PAAF1: variants seen among roughly 807,000 people sequenced by gnomAD.
The protein encoded by PAAF1 is proteasomal ATPase-associated factor 1.
Under a neutral mutation model 52.8 loss-of-function variants are expected in PAAF1, and 46 were observed. The observed-to-expected ratio is 0.87, with a 90% confidence interval of 0.69 to 1.11. The LOEUF is 1.11. Ranked by LOEUF, PAAF1 falls within the 50% of genes most tolerant of loss-of-function variation. PAAF1 has a pLI of 0.00. For missense variants in PAAF1, 424 were observed against 477.4 expected (o/e 0.89, Z 1.04); for synonymous variants, 178 against 172.8 (o/e 1.03, Z -0.24).
chr11:73,893,713 G>T (rs2135152293), intron 4 of PAAF1, among the ~76,000 whole-genome samples: 1 of 138,192 alleles, frequency 7.2e-6, no homozygotes, highest in South Asian at 2.3e-4. Context: ...CTCCAGCCTG[G>T]GAGACAAAAG....
At chr11:73,902,567 T>C (rs573258423) in intron 6 of PAAF1, among the ~76,000 whole-genome samples, 12 of 152,390 alleles carry the variant, frequency 7.9e-5, no homozygotes, top group African/African-American at 2.4e-4. Flanking sequence ...ATCCAGTTTA[T>C]AAATACCTTT....
chr11:73,918,553 T>A (rs2135223782), intron 9 of PAAF1, among the ~76,000 whole-genome samples: 1 of 151,388 alleles, frequency 6.6e-6, no homozygotes, highest in African/African-American at 2.4e-5. Flanking sequence ...CTCGGCTCAC[T>A]GCAAGCTCCA....
At chr11:73,906,739 C>CT (rs1211912594) in intron 6 of PAAF1, among the ~76,000 whole-genome samples, 1 of 152,186 alleles carries the variant, frequency 6.6e-6, no homozygotes, top group Non-Finnish European at 1.5e-5. Flanking sequence ...ACTTGAGAGA[C>CT]ATGTGGTTAA....
chr11:73,925,077 C>T (rs1203631315), intron 11 of PAAF1, among the ~76,000 whole-genome samples: 1 of 150,942 alleles, frequency 6.6e-6, no homozygotes, highest in Non-Finnish European at 1.5e-5. Context: ...ATCGCTTGAA[C>T]CTGGGAGGTG....
At chr11:73,922,915 CAAAAT>C (rs1950261557) in intron 10 of PAAF1, among the ~76,000 whole-genome samples, 1 of 150,358 alleles carries the variant, frequency 6.7e-6, no homozygotes, top group South Asian at 2.1e-4. Flanking sequence ...CCAGATGAAA[CAAAAT>C]AAAAAACAAA....
chr11:73,880,340 T>C (rs1948858207), intron 2 of PAAF1: 1 of 151,796 alleles, frequency 6.6e-6, no homozygotes, highest in South Asian at 2.1e-4. Context: ...ATACTTAACA[T>C]AAAAATTCAA....
At chr11:73,920,595 G>A (rs989930625) in intron 10 of PAAF1, among the ~76,000 whole-genome samples, 5 of 152,072 alleles carry the variant, frequency 3.3e-5, no homozygotes, top group Non-Finnish European at 7.4e-5. Context: ...GCTCACACCT[G>A]TAATCCCAGC....
At position 73,901,065 on chromosome 11, in the gene PAAF1, G is replaced by A. The variant is rs190231819; in HGVS notation, c.532+645G>A. Among the ~76,000 whole-genome samples the A allele has an allele frequency of 1.8e-4, 27 of 147,410 alleles. 1 individual carries two copies. The East Asian group carries it at 4.4e-3, about 24-fold the overall frequency. ...AAAAAAAAATCCTCTCCAGGAAATC[G>A]TATACTTGTGTGCTGGGAAATAGAG... On this transcript the variant is annotated intron_variant, in intron 6 of 11. Transcript: ENST00000310571.
chr11:73,897,620 A>T lies in PAAF1; in HGVS notation c.283-1526A>T, dbSNP rs537992123. Among the ~76,000 whole-genome samples, 357 of 147,044 alleles carry T rather than the reference A, an allele frequency of 2.4e-3. 3 individuals are homozygous for T. Among genetic ancestry groups the T allele is most frequent in the African/African-American group, 8.6e-3 (337 of 39,070 alleles). On this transcript the variant is annotated intron_variant, in intron 4 of 11. Transcript: ENST00000310571. ...GGAAGAGGCGCTCCTCACTTCCTAG[A>T]TGGGATGGCGGCCGGGCAGAGAGGC...
intron 4 of PAAF1, among the ~76,000 whole-genome samples, chr11:73,898,445 G>C (rs1449417418): frequency 6.6e-6 from 1 of 151,938 alleles, no homozygotes; most frequent in Non-Finnish European, 1.5e-5. Flanking sequence ...CGAACTCCTG[G>C]GCTCAAGTAA....
At chr11:73,912,850 A>G (rs896210516) in intron 7 of PAAF1, among the ~76,000 whole-genome samples, 11 of 152,132 alleles carry the variant, frequency 7.2e-5, no homozygotes, top group Non-Finnish European at 1.6e-4. Flanking sequence ...CTTTCAGTAC[A>G]GTAGACTCTC....
intron 2 of PAAF1, chr11:73,887,094 A>G (rs1461805067): frequency 2.2e-6 from 1 of 455,792 alleles, no homozygotes; most frequent in Admixed American, 2.5e-5. Flanking sequence ...TACAGTCTGC[A>G]GAACCGTGAG....
At chr11:73,916,837 T>A (rs546833184) in intron 9 of PAAF1, among the ~76,000 whole-genome samples, 177 bp downstream of exon 9, 6 of 152,346 alleles carry the variant, frequency 3.9e-5, no homozygotes, top group African/African-American at 1.4e-4. Flanking sequence ...TGGACTCATA[T>A]TAAAATATAT....
chr11:73,900,630 G>T (rs1033464779), intron 6 of PAAF1, among the ~76,000 whole-genome samples: 1 of 152,174 alleles, frequency 6.6e-6, no homozygotes, highest in Non-Finnish European at 1.5e-5. Flanking sequence ...CAGTTGGTTT[G>T]ATACCTAAAG....
At chr11:73,905,475 G>A (rs1042693170) in intron 6 of PAAF1, among the ~76,000 whole-genome samples, 4 of 152,008 alleles carry the variant, frequency 2.6e-5, no homozygotes, top group Admixed American at 2.6e-4. Flanking sequence ...TCCCTCATTG[G>A]CCTCCCAAAG....
At position 73,897,553 on chromosome 11, in the gene PAAF1, C is replaced by T. The variant is rs560208512; in HGVS notation, c.283-1593C>T. 3.5e-3 allele frequency among the ~76,000 whole-genome samples: 530 copies of T among 151,336 alleles called. 4 individuals are homozygous for T. The highest frequency in any genetic ancestry group is 0.012 in the African/African-American group (487 of 41,122). On this transcript the variant is annotated intron_variant, in intron 4 of 11. Coordinates refer to ENST00000310571, the MANE Select transcript of PAAF1 (RefSeq NM_025155.3). ...CCCCACATCTCAGACGATGGGCGGC[C>T]GGGCAGAGACGCTCCTCACTTCCCA... is the stretch of plus-strand genomic sequence containing the variant.
intron 7 of PAAF1, 99 bp from the exon 8 acceptor site, chr11:73,914,314 C>T (rs935207919): frequency 1.4e-5 from 13 of 942,222 alleles, no homozygotes; most frequent in Admixed American, 9.7e-5. Context: ...ATAAGTGAAT[C>T]GCTAACAAAA....
Position 73,899,150 on chromosome 11 carries a change from C to T in PAAF1, c.287C>T (p.Thr96Ile), listed in dbSNP as rs774952455. 6.2e-6 allele frequency: 10 copies of T among 1,612,526 alleles called. No homozygotes were observed. Among genetic ancestry groups the T allele is most frequent in the Non-Finnish European group, 8.5e-6 (10 of 1,178,676 alleles). The change falls in exon 5 of 12, where the codon ACA becomes ATA. Residue 96 changes from threonine (T) to isoleucine (I), a missense_variant. Physicochemically the swap from Thr to Ile is moderately conservative, Grantham distance 89 (BLOSUM62 -1). Coordinates refer to ENST00000310571, the MANE Select transcript of PAAF1 (RefSeq NM_025155.3). ...GTTTGTTTTCTCTTTGAACAGATAA[C>T]ATGCCTGGACATTTCCAGCAGAGGA... Reference protein sequence around the residue: ...TFSRIHTKSITCLDISSRGGL... With the variant: ...TFSRIHTKSIICLDISSRGGL...
chr11:73,902,049 G>C lies in PAAF1; in HGVS notation c.532+1629G>C, dbSNP rs191696467. ...CAACTAATTTTTGTATTTTTTAGTA[G>C]AGATGGGGTTTCGCTGTGTTGGCTG... On this transcript the variant is annotated intron_variant, in intron 6 of 11. Transcript: ENST00000310571. Among the ~76,000 whole-genome samples, 755 of 151,604 alleles carry C rather than the reference G, an allele frequency of 5.0e-3. 26 individuals are homozygous for C. The highest frequency in any genetic ancestry group is 2.4e-3 in the Non-Finnish European group (160 of 67,952).
Sources: allele counts gnomAD v4.1 joint callset (sites outside exome capture counted in the v4.1 genomes callset), GRCh38; gene constraint gnomAD v4.1.1; transcripts MANE v1.5; gene names NCBI Gene and HGNC (gene_info 2026-07-23, HGNC 2026-07-21).